Variants in EXOC6B observed in about 807,000 individuals in gnomAD.
EXOC6B encodes SEC15 homolog B.
A neutral mutation model predicts 113.5 loss-of-function variants in EXOC6B; 54 were observed. That is an observed-to-expected ratio of 0.48 (90% CI 0.38 to 0.60). The LOEUF is 0.60. EXOC6B is among the 20% of genes least tolerant of loss of function. The pLI is 0.00. For missense variants in EXOC6B, 797 were observed against 977.5 expected, an observed-to-expected ratio of 0.82 and a Z score of 2.46; for synonymous variants, 357 against 339.0, an observed-to-expected ratio of 1.05 and a Z score of -0.58.
chr2:72,405,181 T>G (rs1184483233), intron 18 of EXOC6B, among the ~76,000 whole-genome samples: 1 of 152,174 alleles, frequency 6.6e-6, no homozygotes, highest in Non-Finnish European at 1.5e-5. Context: ...GAACAAAGCC[T>G]CCAAGAAATA....
At chr2:72,546,680 T>C (rs1702922501) in intron 8 of EXOC6B, among the ~76,000 whole-genome samples, 1 of 152,212 alleles carries the variant, frequency 6.6e-6, no homozygotes, top group South Asian at 2.1e-4. Flanking sequence ...ACAAAACTAT[T>C]AGTTTAACTG....
At chr2:72,770,893 GA>G (rs1232332853) in intron 1 of EXOC6B, among the ~76,000 whole-genome samples, 2 of 151,812 alleles carry the variant, frequency 1.3e-5, no homozygotes, top group Non-Finnish European at 2.9e-5. Context: ...AAAATTCAAA[GA>G]AAAAAAGGAA....
chr2:72,224,994 G>GTGTATATATATA (rs908047817), intron 20 of EXOC6B, among the ~76,000 whole-genome samples: 70 of 137,248 alleles, frequency 5.1e-4, no homozygotes, highest in Non-Finnish European at 6.9e-4. Flanking sequence ...GTGTGTGTGT[G>GTGTATATATATA]TATATATATA....
chr2:72,742,546 C>G, intron 1 of EXOC6B, among the ~76,000 whole-genome samples: 1 of 152,134 alleles, frequency 6.6e-6, no homozygotes, highest in East Asian at 1.9e-4. Flanking sequence ...TTCCTCACTT[C>G]TTTGCCTTAC....
At chr2:72,417,268 AC>A (rs1694582146) in intron 18 of EXOC6B, among the ~76,000 whole-genome samples, 2 of 151,856 alleles carry the variant, frequency 1.3e-5, no homozygotes, top group African/African-American at 4.8e-5. Flanking sequence ...ACCTCTTCTC[AC>A]CCCTCCACCT....
intron 5 of EXOC6B, among the ~76,000 whole-genome samples, chr2:72,724,442 T>G (rs1680186477): frequency 1.3e-5 from 2 of 152,006 alleles, no homozygotes; most frequent in South Asian, 4.2e-4. Context: ...AACAAACTGA[T>G]CTGCAATCAA....
At position 72,773,120 on chromosome 2, in the gene EXOC6B, C is replaced by CTTTTTTTTTTTTTTTTTT. The variant is rs1254377634; in HGVS notation, c.114-31669_114-31652dup. Among the ~76,000 whole-genome samples the CTTTTTTTTTTTTTTTTTT allele has an allele frequency of 1.4e-4, 13 of 94,890 alleles. 1 individual carries two copies. Among genetic ancestry groups the CTTTTTTTTTTTTTTTTTT allele is most frequent in the African/African-American group, 5.6e-4 (12 of 21,322 alleles). The allele number at this position is 94,890 out of a possible 152,430, so 62.3% of individuals were successfully genotyped here. A position where few individuals can be genotyped will look rare whatever the true frequency, so the allele number is the denominator to read the frequency against. ...GCTAAGACAGTAGACCTTAGATTTT[C>CTTTTTTTTTTTTTTTTTT]TTTTTTTTTTTTTTTTTTTTTTGTG... On this transcript the variant is annotated intron_variant, in intron 1 of 21. Coordinates refer to ENST00000272427, the MANE Select transcript of EXOC6B (RefSeq NM_015189.3).
At chr2:72,700,993 T>TA (rs1214660918) in intron 6 of EXOC6B, among the ~76,000 whole-genome samples, 1 of 151,660 alleles carries the variant, frequency 6.6e-6, no homozygotes, top group Admixed American at 6.6e-5. Context: ...TTTACCACAA[T>TA]AAAAAATCCA....
intron 19 of EXOC6B, among the ~76,000 whole-genome samples, chr2:72,348,569 T>G (rs1380357996): frequency 6.6e-6 from 1 of 152,126 alleles, no homozygotes; most frequent in African/African-American, 2.4e-5. Context: ...TTGAAAGTGG[T>G]CACAAATCAC....
chr2:72,378,114 A>G (rs945542317), intron 19 of EXOC6B, among the ~76,000 whole-genome samples: 1 of 152,188 alleles, frequency 6.6e-6, no homozygotes, highest in Non-Finnish European at 1.5e-5. Context: ...GTATGTTTCC[A>G]GTGACCTTTG....
rs1283685969 is a variant in EXOC6B at position 72,401,583 on chromosome 2, A to G, written c.1981-21713T>C. 5.1e-4 allele frequency among the ~76,000 whole-genome samples: 6 copies of G among 11,676 alleles called. No individual in the cohort carries two copies. The East Asian group carries it at 7.2e-3, about 14-fold the overall frequency. 7.7% of individuals were successfully genotyped at this position (11,676 alleles called of 152,430 possible). A position where few individuals can be genotyped will look rare whatever the true frequency, so the allele number is the denominator to read the frequency against. ...TATATATACATATATATATATATAC[A>G]TATATATATATATATATATGTGTAT... On this transcript the variant is annotated intron_variant, in intron 18 of 21. Transcript: ENST00000272427.
chr2:72,468,160 T>G (rs1333738820), intron 17 of EXOC6B, among the ~76,000 whole-genome samples: 2 of 152,174 alleles, frequency 1.3e-5, no homozygotes, highest in Non-Finnish European at 2.9e-5. Flanking sequence ...CAATCTGATT[T>G]GTCTTTTTTT....
intron 18 of EXOC6B, among the ~76,000 whole-genome samples, chr2:72,397,414 A>T (rs1005350857): frequency 4.6e-5 from 7 of 151,780 alleles, no homozygotes; most frequent in Non-Finnish European, 1.0e-4. Context: ...AGGTCAGGAG[A>T]TCGAGACCAT....
chr2:72,553,509 A>G (rs983776770), intron 8 of EXOC6B, among the ~76,000 whole-genome samples: 2 of 152,064 alleles, frequency 1.3e-5, no homozygotes. Flanking sequence ...AAGAAGAGAC[A>G]TGAGAAGGGA....
chr2:72,401,638 C>CAT (rs1343954890), intron 18 of EXOC6B, among the ~76,000 whole-genome samples: 4 of 15,486 alleles, frequency 2.6e-4, no homozygotes, highest in Admixed American at 1.7e-3. Flanking sequence ...TATATATATA[C>CAT]ATATATACAT....
intron 20 of EXOC6B, among the ~76,000 whole-genome samples, chr2:72,289,279 T>C (rs1262614497): frequency 1.3e-5 from 2 of 152,202 alleles, no homozygotes; most frequent in Non-Finnish European, 2.9e-5. Flanking sequence ...GTTTCATGAG[T>C]ATATTCACTT....
chr2:72,497,741 C>A (rs1700111750), intron 13 of EXOC6B, among the ~76,000 whole-genome samples: 1 of 151,946 alleles, frequency 6.6e-6, no homozygotes, highest in Admixed American at 6.6e-5. Context: ...GAAAAGAGGA[C>A]AAACTGATCA....
At chr2:72,708,715 T>G (rs1679052044) in intron 6 of EXOC6B, among the ~76,000 whole-genome samples, 1 of 152,006 alleles carries the variant, frequency 6.6e-6, no homozygotes, top group Non-Finnish European at 1.5e-5. Flanking sequence ...AAAGTGAACT[T>G]TACTATACGT....
chr2:72,429,918 T>C lies in EXOC6B; in HGVS notation c.1980+35242A>G, dbSNP rs534648479. Among the ~76,000 whole-genome samples the C allele has an allele frequency of 5.5e-4, 84 of 152,318 alleles. 1 individual carries two copies. The highest frequency in any genetic ancestry group is 1.0e-3 in the South Asian group (5 of 4,826). On this transcript the variant is annotated intron_variant, in intron 18 of 21. Transcript: ENST00000272427. ...ATTCTGTGGGCATTTAACAAATATT[T>C]CTTGGATGAAGGAATAATTAAGGGA...
Sources: allele counts gnomAD v4.1 joint callset (sites outside exome capture counted in the v4.1 genomes callset), GRCh38; gene constraint gnomAD v4.1.1; transcripts MANE v1.5; gene names NCBI Gene and HGNC (gene_info 2026-07-23, HGNC 2026-07-21).